Variants in SMOC1 observed in about 807,000 individuals in gnomAD.
SMOC1 encodes SPARC related modular calcium binding 1.
Under a neutral mutation model 56.3 loss-of-function variants are expected in SMOC1, and 22 were observed. That is an observed-to-expected ratio of 0.39 (90% CI 0.28 to 0.56). SMOC1 has a LOEUF of 0.56. SMOC1 is among the 20% of genes least tolerant of loss of function. The pLI is 0.61. For missense variants in SMOC1, 509 were observed against 565.4 expected (o/e 0.90, Z 1.01); for synonymous variants, 193 against 215.0 (o/e 0.90, Z 0.89).
chr14:70,004,639 T>A (rs1427189524), intron 7 of SMOC1, among the ~76,000 whole-genome samples: 1 of 152,250 alleles, frequency 6.6e-6, no homozygotes, highest in African/African-American at 2.4e-5. Context: ...CCAACATATT[T>A]TAGATTTGCC....
At chr14:69,948,598 C>T (rs1337152620) in intron 1 of SMOC1, among the ~76,000 whole-genome samples, 4 of 152,104 alleles carry the variant, frequency 2.6e-5, no homozygotes, top group African/African-American at 4.8e-5. Context: ...TGGCAGCTCT[C>T]CTGTCCTGTG....
chr14:69,937,536 A>G (rs1885325965), intron 1 of SMOC1, among the ~76,000 whole-genome samples: 1 of 151,972 alleles, frequency 6.6e-6, no homozygotes, highest in Non-Finnish European at 1.5e-5. Flanking sequence ...GGTCAACAGG[A>G]TTTCTCTCCT....
chr14:69,927,520 C>CA (rs1252120556), intron 1 of SMOC1, among the ~76,000 whole-genome samples: 1 of 152,060 alleles, frequency 6.6e-6, no homozygotes, highest in Non-Finnish European at 1.5e-5. Context: ...CTGGCTAATA[C>CA]AAAAAATTAG....
chr14:69,985,206 T>A (rs769592241), intron 5 of SMOC1, among the ~76,000 whole-genome samples: 1 of 151,550 alleles, frequency 6.6e-6, no homozygotes, highest in Non-Finnish European at 1.5e-5. Context: ...TCACTACATA[T>A]CTATTAGGAG....
intron 3 of SMOC1, among the ~76,000 whole-genome samples, chr14:69,959,395 G>A (rs893542687): frequency 1.1e-4 from 17 of 152,084 alleles, no homozygotes; most frequent in African/African-American, 3.9e-4. Context: ...TTGATTATTG[G>A]TTGTTATCAG....
At chr14:69,934,886 T>C (rs1183502267) in intron 1 of SMOC1, among the ~76,000 whole-genome samples, 2 of 152,216 alleles carry the variant, frequency 1.3e-5, no homozygotes, top group African/African-American at 4.8e-5. Flanking sequence ...GTCTCAGTTT[T>C]TCCATCTGCA....
chr14:70,031,570 G>A lies in SMOC1; in HGVS notation c.*1312G>A, dbSNP rs1274022417. ...ATTCCAGAAGTAAAACTGATCTTGG[G>A]TTTCCTATTCTGCCTCCCCTAGAAG... On this transcript the variant is annotated 3_prime_UTR_variant, in exon 12 of 12. Coordinates refer to ENST00000361956, the MANE Select transcript of SMOC1 (RefSeq NM_001034852.3). The A allele has an allele frequency of 1.3e-5, 2 of 152,182 alleles. No homozygotes were observed. The highest frequency in any genetic ancestry group is 1.3e-4 in the Admixed American group (2 of 15,286). The allele number at this position is 152,182 out of a possible 1,614,324, so 9.4% of individuals were successfully genotyped here.
In SMOC1 at chr14:69,902,816, C is replaced by T. The variant is rs903516871; in HGVS notation, c.99+23039C>T. Among the ~76,000 whole-genome samples, 9 of 152,196 alleles carry T rather than the reference C, an allele frequency of 5.9e-5. No individual in the cohort carries two copies. The South Asian group carries it at 1.4e-3, about 24-fold the overall frequency. On this transcript the variant is annotated intron_variant, in intron 1 of 11. Coordinates refer to ENST00000361956, the MANE Select transcript of SMOC1 (RefSeq NM_001034852.3). ...ATTTTTTTTGGTGGAGACGGGGTTT[C>T]GCTGTGTTGGCCGGGCTGGTCTCCA...
intron 1 of SMOC1, among the ~76,000 whole-genome samples, chr14:69,924,820 A>G (rs149473315): frequency 7.5e-4 from 2 of 2,654 alleles, no homozygotes; most frequent in African/African-American, 2.3e-3. Context: ...AGGGGAGGTA[A>G]AGGAGGAGGA....
rs926941229 is a variant in SMOC1, at chr14:69,885,501, C to T, written c.99+5724C>T. On this transcript the variant is annotated intron_variant, in intron 1 of 11. Coordinates refer to ENST00000361956, the MANE Select transcript of SMOC1 (RefSeq NM_001034852.3). ...ATAGCTTCCACCAGCTTAGCCAAAG[C>T]GCCTTTGTCTTCTGAGTTCACCTGT... 30 of 1,599,644 alleles carry T rather than the reference C, an allele frequency of 1.9e-5. 1 individual carries two copies. The highest frequency in any genetic ancestry group is 4.4e-5 in the South Asian group (4 of 90,952).
chr14:69,904,143 TCA>T, intron 1 of SMOC1, among the ~76,000 whole-genome samples: 1 of 152,370 alleles, frequency 6.6e-6, no homozygotes, highest in East Asian at 1.9e-4. Context: ...TGGGGGTGGC[TCA>T]TTATACATTA....
At chr14:70,026,631 C>T (rs1247802602) in intron 11 of SMOC1, among the ~76,000 whole-genome samples, 1 of 152,214 alleles carries the variant, frequency 6.6e-6, no homozygotes, top group Non-Finnish European at 1.5e-5. Flanking sequence ...CTTTGGAGTG[C>T]AACTGTCATT....
At chr14:70,023,072 G>C (rs1327136336) in intron 10 of SMOC1, 131 bp from the exon 11 acceptor site, 2 of 1,389,470 alleles carry the variant, frequency 1.4e-6, no homozygotes, top group African/African-American at 2.8e-5. Flanking sequence ...AGGCTGAGCC[G>C]CTGTGGGTGG....
At chr14:69,913,955 G>A (rs926177049) in intron 1 of SMOC1, among the ~76,000 whole-genome samples, 2 of 152,218 alleles carry the variant, frequency 1.3e-5, no homozygotes, top group African/African-American at 4.8e-5. Flanking sequence ...GAGTGGAAAT[G>A]CTCAAGTTCA....
chr14:69,975,850 T>C, intron 4 of SMOC1, 36 bp downstream of exon 4: 1 of 1,502,566 alleles, frequency 6.7e-7, no homozygotes, highest in Non-Finnish European at 9.2e-7. Context: ...TGAAAAGGGT[T>C]GGAGAGAGAC....
At chr14:69,951,478 C>A (rs144443537) in intron 1 of SMOC1, among the ~76,000 whole-genome samples, 43 of 152,300 alleles carry the variant, frequency 2.8e-4, no homozygotes, top group African/African-American at 9.6e-4. Context: ...ATTTTCCAAG[C>A]TGATTATTGT....
chr14:69,928,607 G>T (rs1203222336), intron 1 of SMOC1, among the ~76,000 whole-genome samples: 5 of 84,598 alleles, frequency 5.9e-5, no homozygotes, highest in Non-Finnish European at 1.3e-4. Context: ...TACTTTAGAG[G>T]TGCTCATTGG....
chr14:69,934,314 C>T (rs1885243081), intron 1 of SMOC1, among the ~76,000 whole-genome samples: 1 of 152,194 alleles, frequency 6.6e-6, no homozygotes, highest in African/African-American at 2.4e-5. Context: ...TGGCCCAGGG[C>T]TTTGACACTG....
chr14:69,951,733 A>G (rs1354244060), intron 1 of SMOC1, among the ~76,000 whole-genome samples: 1 of 152,216 alleles, frequency 6.6e-6, no homozygotes, highest in Non-Finnish European at 1.5e-5. Context: ...TAGAGGATAA[A>G]GCTTTGATTT....
Sources: gnomAD v4.1 joint callset for allele counts (sites outside exome capture counted in the v4.1 genomes callset) on GRCh38, gnomAD v4.1.1 for gene constraint, MANE v1.5 for transcripts, NCBI Gene and HGNC (gene_info 2026-07-23, HGNC 2026-07-21) for gene names.